TMEM217B: variants seen among roughly 807,000 people sequenced by gnomAD.
TMEM217B encodes transmembrane protein 217B.
At chr6:37,219,896 G>A in the TMEM217B span, among the ~76,000 whole-genome samples, 2 of 152,126 alleles carry the variant, frequency 1.3e-5, no homozygotes, top group African/African-American at 4.8e-5. Flanking sequence ...ATAAAAACAG[G>A]TGGACACCAA....
chr6:37,249,428 T>A, the TMEM217B span, among the ~76,000 whole-genome samples: 81 of 152,268 alleles, frequency 5.3e-4, no homozygotes, highest in Non-Finnish European at 6.9e-4. Flanking sequence ...CAAGCAATTC[T>A]CCTGCCTCAG....
At chr6:37,218,713 A>C in the TMEM217B span, 1 of 1,614,198 alleles carries the variant, frequency 6.2e-7, no homozygotes, top group Non-Finnish European at 8.5e-7. Flanking sequence ...CGACGTTTGC[A>C]GTTTCATAGA....
At chr6:37,257,196 A>AT in the TMEM217B span, among the ~76,000 whole-genome samples, 2 of 152,232 alleles carry the variant, frequency 1.3e-5, no homozygotes, top group East Asian at 3.8e-4. Flanking sequence ...GATCATTTGA[A>AT]TTTTTAACCC....
chr6:37,214,407 T>C, the TMEM217B span, among the ~76,000 whole-genome samples: 3 of 152,154 alleles, frequency 2.0e-5, no homozygotes, highest in East Asian at 5.8e-4. Context: ...TTTGTATTTT[T>C]AGTAGAGACA....
At chr6:37,233,900 C>A in the TMEM217B span, among the ~76,000 whole-genome samples, 1 of 152,088 alleles carries the variant, frequency 6.6e-6, no homozygotes, top group African/African-American at 2.4e-5. Context: ...ACTTGGAGTA[C>A]CCATACAGCC....
the TMEM217B span, among the ~76,000 whole-genome samples, chr6:37,257,303 A>G: frequency 6.6e-6 from 1 of 152,178 alleles, no homozygotes. Context: ...ATCCCGGGCT[A>G]TCGGGTCCCT....
chr6:37,232,535 T>C, the TMEM217B span, among the ~76,000 whole-genome samples: 1 of 151,744 alleles, frequency 6.6e-6, no homozygotes, highest in Non-Finnish European at 1.5e-5. Flanking sequence ...ACCCTATTAA[T>C]GGTCACCAGT....
the TMEM217B span, among the ~76,000 whole-genome samples, chr6:37,213,694 G>T: frequency 1.3e-3 from 193 of 152,366 alleles, 1 homozygote; most frequent in African/African-American, 4.3e-3. Context: ...ATGGCAGGGA[G>T]CAGGAACCTG....
chr6:37,222,142 G>A, the TMEM217B span, among the ~76,000 whole-genome samples: 4 of 152,250 alleles, frequency 2.6e-5, no homozygotes. Flanking sequence ...AAGGGAGGAA[G>A]TGCACGCAGA....
the TMEM217B span, among the ~76,000 whole-genome samples, chr6:37,229,626 G>A: frequency 6.6e-6 from 1 of 152,166 alleles, no homozygotes; most frequent in Non-Finnish European, 1.5e-5. Flanking sequence ...ACAGGCGTGA[G>A]CCACCGCGCC....
the TMEM217B span, chr6:37,218,342 A>T: frequency 1.6e-6 from 2 of 1,253,094 alleles, no homozygotes; most frequent in East Asian, 2.5e-5. Context: ...CTAATTTTCT[A>T]TTTTTTTTAG....
the TMEM217B span, chr6:37,215,103 G>C: frequency 6.6e-7 from 1 of 1,519,112 alleles, no homozygotes; most frequent in African/African-American, 1.4e-5. Context: ...CTCCACCCTC[G>C]GCACCTCTCT....
chr6:37,243,440 G>C, the TMEM217B span, among the ~76,000 whole-genome samples: 2 of 152,206 alleles, frequency 1.3e-5, no homozygotes, highest in Non-Finnish European at 2.9e-5. Flanking sequence ...TAATTGCCCA[G>C]TGGGTTCTTC....
the TMEM217B span, among the ~76,000 whole-genome samples, chr6:37,230,407 A>G: frequency 6.6e-6 from 1 of 152,330 alleles, no homozygotes; most frequent in East Asian, 1.9e-4. Context: ...AGGGATTTCA[A>G]TTCTATGTTG....
chr6:37,230,696 A>T, the TMEM217B span, among the ~76,000 whole-genome samples: 2 of 152,118 alleles, frequency 1.3e-5, no homozygotes, highest in African/African-American at 4.8e-5. Flanking sequence ...TGAGAAAATT[A>T]ATTTCTGTTG....
At chr6:37,244,583 G>A in the TMEM217B span, among the ~76,000 whole-genome samples, 2 of 152,196 alleles carry the variant, frequency 1.3e-5, no homozygotes, top group Non-Finnish European at 2.9e-5. Flanking sequence ...AGCAACAAGT[G>A]CCAACTCTTG....
chr6:37,229,069 C>T, the TMEM217B span, among the ~76,000 whole-genome samples: 2 of 151,828 alleles, frequency 1.3e-5, no homozygotes, highest in Admixed American at 1.3e-4. Flanking sequence ...TACTTTGTGC[C>T]AGGCACTGTA....
chr6:37,253,747 T>A, the TMEM217B span, among the ~76,000 whole-genome samples: 4 of 152,184 alleles, frequency 2.6e-5, no homozygotes, highest in Admixed American at 1.3e-4. Context: ...GTCCAAAGGC[T>A]TTTTTCTCTA....
the TMEM217B span, among the ~76,000 whole-genome samples, chr6:37,229,342 T>TTTG: frequency 1.1e-4 from 14 of 125,812 alleles, 1 homozygote; most frequent in Admixed American, 8.0e-4. Flanking sequence ...TCAGTTTTTT[T>TTTG]TTTTTTTTTT....
Sources: allele counts gnomAD v4.1 joint callset (sites outside exome capture counted in the v4.1 genomes callset), GRCh38; gene constraint gnomAD v4.1.1; transcripts MANE v1.5; gene names NCBI Gene and HGNC (gene_info 2026-07-23, HGNC 2026-07-21).